The following SRGAP3 variants were observed in gnomAD, a reference collection of about 807,000 sequenced individuals.
The protein encoded by SRGAP3 is SLIT-ROBO Rho GTPase-activating protein 3.
SRGAP3 carries 39 observed loss-of-function variants against 121.1 expected under a neutral mutation model. The ratio of observed to expected loss-of-function variants is 0.32; its 90% CI spans 0.25 to 0.42. The LOEUF is 0.42. Ranked by LOEUF, SRGAP3 falls within the 10% of genes least tolerant of loss-of-function variation. The pLI is 1.00. For missense variants in SRGAP3, 1,213 were observed against 1,470.6 expected (o/e 0.82, Z 2.86); for synonymous variants, 601 against 570.0 (o/e 1.05, Z -0.77).
intron 1 of SRGAP3, among the ~76,000 whole-genome samples, chr3:9,187,496 C>A (rs1040170314): frequency 6.6e-6 from 1 of 152,178 alleles, no homozygotes; most frequent in Non-Finnish European, 1.5e-5. Context: ...ACAGTCTTCA[C>A]CAACCTCCTA....
At chr3:9,060,615 T>A (rs1269907939) in intron 5 of SRGAP3, among the ~76,000 whole-genome samples, 5 of 152,028 alleles carry the variant, frequency 3.3e-5, no homozygotes, top group Admixed American at 6.6e-5. Context: ...TTTTTCAAGT[T>A]TTTTAGAGAT....
At chr3:9,093,012 T>C (rs1947818412) in intron 3 of SRGAP3, among the ~76,000 whole-genome samples, 2 of 152,066 alleles carry the variant, frequency 1.3e-5, no homozygotes, top group Non-Finnish European at 2.9e-5. Flanking sequence ...GGAACTATGG[T>C]TGAGGGTAAG....
chr3:9,115,561 A>G (rs901783639), intron 2 of SRGAP3, among the ~76,000 whole-genome samples: 1 of 152,200 alleles, frequency 6.6e-6, no homozygotes, highest in East Asian at 1.9e-4. Context: ...GAAACATTGG[A>G]AAGAGATAAA....
intron 14 of SRGAP3, among the ~76,000 whole-genome samples, chr3:9,016,629 T>G (rs1943651434): frequency 6.6e-6 from 1 of 152,330 alleles, no homozygotes; most frequent in Admixed American, 6.5e-5. Flanking sequence ...ATAAGTATGA[T>G]CTGTGAAATG....
At chr3:9,280,196 G>C (rs1296146246) in intron 3 of SRGAP3, among the ~76,000 whole-genome samples, 1 of 152,238 alleles carries the variant, frequency 6.6e-6, no homozygotes, top group African/African-American at 2.4e-5. Context: ...TGGCGACCAA[G>C]CAAAGGGGAC....
chr3:9,092,540 G>T (rs1481184232), intron 3 of SRGAP3, among the ~76,000 whole-genome samples: 1 of 152,130 alleles, frequency 6.6e-6, no homozygotes, highest in Non-Finnish European at 1.5e-5. Context: ...GAACACAGAG[G>T]CTCAGGAAGG....
At chr3:9,043,144 A>G (rs1945100314) in intron 10 of SRGAP3, among the ~76,000 whole-genome samples, 1 of 152,118 alleles carries the variant, frequency 6.6e-6, no homozygotes, top group South Asian at 2.1e-4. Context: ...TAACACAATT[A>G]TAATTCCCAC....
At chr3:9,006,398 C>CAAAAA (rs71049762) in intron 18 of SRGAP3, among the ~76,000 whole-genome samples, 1 of 123,008 alleles carries the variant, frequency 8.1e-6, no homozygotes. Context: ...GACTCTGTCT[C>CAAAAA]AAAAAAAAAA....
intron 5 of SRGAP3, among the ~76,000 whole-genome samples, chr3:9,063,124 C>CTTTTTTTTTTTTTTTTTTTT (rs766958753): frequency 1.3e-5 from 1 of 79,982 alleles, no homozygotes; most frequent in African/African-American, 5.2e-5. Context: ...TAGAGACAAT[C>CTTTTTTTTTTTTTTTTTTTT]TTTTTTTTTT....
At chr3:9,331,079 A>G (rs928667583) in intron 1 of SRGAP3, among the ~76,000 whole-genome samples, 2 of 152,252 alleles carry the variant, frequency 1.3e-5, no homozygotes, top group African/African-American at 4.8e-5. Flanking sequence ...GCAGTAAGAT[A>G]CTGAGTAACT....
At chr3:9,064,306 A>G in intron 5 of SRGAP3, 90 bp downstream of exon 5, 1 of 1,567,170 alleles carries the variant, frequency 6.4e-7, no homozygotes, top group Non-Finnish European at 8.7e-7. Flanking sequence ...GCAGGGGAAT[A>G]AGGGGGAAGG....
rs754839669 is a variant in SRGAP3, at chr3:8,985,763, C to G, written c.3056G>C (p.Arg1019Pro). 2.5e-6 allele frequency: 4 copies of G among 1,599,412 alleles called. No homozygotes were observed. In the African/African-American group the frequency reaches 5.3e-5, roughly 21 times the overall value. Residue 1019 changes from arginine (R) to proline (P), a missense_variant, in exon 22 of 22, where the codon CGC (arginine) becomes CCC (proline). Arg to Pro is a moderately radical substitution (Grantham distance 103). Transcript: ENST00000383836. The surrounding 1 kb of genome is among the most constrained non-coding windows in gnomAD (Gnocchi z 5.1). ...PASPLHTIVI[R>P]DPDAAMRRSS... is the part of the protein sequence containing the mutation. ...GCGGCGCATGGCGGCATCGGGGTCGCGGATGACGATGGTGTGAAGGGGACT... is the reference window on the plus strand; with the variant it reads ...GCGGCGCATGGCGGCATCGGGGTCGGGGATGACGATGGTGTGAAGGGGACT...
At chr3:9,278,470 G>A (rs1386321133) in intron 3 of SRGAP3, among the ~76,000 whole-genome samples, 1 of 152,218 alleles carries the variant, frequency 6.6e-6, no homozygotes, top group Non-Finnish European at 1.5e-5. Context: ...CCCTCATCTG[G>A]AAAATGAGAT....
rs1953935922 is a variant in SRGAP3, at chr3:9,249,316, T to G, written c.-365A>C. On this transcript the variant is annotated 5_prime_UTR_variant, in exon 1 of 22. The change abolishes an upstream ATG in the 5' untranslated region. Transcript: ENST00000383836. ...ATGCACACGTACACACACTCACGCA[T>G]GCACAGGCACACTCACCGGGACACG... 1 of 434,314 alleles carries G rather than the reference T, an allele frequency of 2.3e-6. No individual in the cohort carries two copies. Among genetic ancestry groups the G allele is most frequent in the African/African-American group, 2.0e-5 (1 of 50,752 alleles). 26.9% of individuals were successfully genotyped at this position (434,314 alleles called of 1,614,324 possible).
chr3:9,285,237 G>T (rs1039861242), intron 3 of SRGAP3, among the ~76,000 whole-genome samples: 1 of 152,172 alleles, frequency 6.6e-6, no homozygotes, highest in Admixed American at 6.5e-5. Flanking sequence ...GAAGCACCAG[G>T]GTCCACTGAC....
chr3:9,264,215 A>G (rs1413984543), intron 3 of SRGAP3, among the ~76,000 whole-genome samples: 1 of 152,186 alleles, frequency 6.6e-6, no homozygotes, highest in African/African-American at 2.4e-5. Flanking sequence ...TTGATGGACC[A>G]TATCTCAAAA....
intron 1 of SRGAP3, among the ~76,000 whole-genome samples, chr3:9,198,630 T>C (rs1030290881): frequency 1.1e-4 from 16 of 152,328 alleles, no homozygotes; most frequent in South Asian, 2.1e-4. Context: ...CACTGTTTAA[T>C]TGTAAGCTCC....
chr3:9,270,503 T>C (rs1199840713), intron 3 of SRGAP3, among the ~76,000 whole-genome samples: 1 of 152,210 alleles, frequency 6.6e-6, no homozygotes, highest in Non-Finnish European at 1.5e-5. Context: ...CCCAAGTGCA[T>C]ACGCTTATCA....
intron 1 of SRGAP3, among the ~76,000 whole-genome samples, chr3:9,359,742 T>C (rs2030697601): frequency 6.6e-6 from 1 of 152,234 alleles, no homozygotes; most frequent in Admixed American, 6.5e-5. Context: ...AGGAAAGTTA[T>C]GAGCTAGGAA....
Sources: allele counts gnomAD v4.1 joint callset (sites outside exome capture counted in the v4.1 genomes callset), GRCh38; gene constraint gnomAD v4.1.1; non-coding constraint Gnocchi (gnomAD v3.1); transcripts MANE v1.5; gene names NCBI Gene and HGNC (gene_info 2026-07-23, HGNC 2026-07-21).